Variants in MAML2 observed in about 807,000 individuals in gnomAD.
The protein encoded by MAML2 is mastermind like transcriptional coactivator 2, also known as mastermind-like protein 2.
A neutral mutation model predicts 96.1 loss-of-function variants in MAML2; 22 were observed. The ratio of observed to expected loss-of-function variants is 0.23; its 90% CI spans 0.16 to 0.33. The LOEUF is 0.33. MAML2 is among the 10% of genes least tolerant of loss of function. MAML2 has a pLI of 1.00. For synonymous variants in MAML2, 561 were observed against 521.3 expected (o/e 1.08, Z -1.04); for missense variants, 1,367 against 1,392.4 (o/e 0.98, Z 0.29).
intron 1 of MAML2, among the ~76,000 whole-genome samples, chr11:96,185,195 C>T (rs1261591185): frequency 6.7e-6 from 1 of 148,376 alleles, no homozygotes; most frequent in Non-Finnish European, 1.5e-5. Context: ...CAGGACAAAA[C>T]TCCATCTGTG....
intron 1 of MAML2, among the ~76,000 whole-genome samples, chr11:96,297,851 T>C (rs1402511823): frequency 6.6e-6 from 1 of 152,212 alleles, no homozygotes; most frequent in South Asian, 2.1e-4. Flanking sequence ...TAAAAATATT[T>C]TCTTTATATA....
chr11:96,260,232 G>C (rs1862728937), intron 1 of MAML2, among the ~76,000 whole-genome samples: 1 of 152,034 alleles, frequency 6.6e-6, no homozygotes, highest in Admixed American at 6.6e-5. Context: ...TAGAAGGATG[G>C]TGGTAGAGCA....
At chr11:96,024,804 C>A (rs1332039237) in intron 2 of MAML2, among the ~76,000 whole-genome samples, 1 of 152,158 alleles carries the variant, frequency 6.6e-6, no homozygotes, top group East Asian at 1.9e-4. Context: ...GACTGCCCTG[C>A]CACTCCTTCT....
chr11:96,325,007 T>A (rs1863755425), intron 1 of MAML2, among the ~76,000 whole-genome samples: 1 of 152,204 alleles, frequency 6.6e-6, no homozygotes, highest in South Asian at 2.1e-4. Context: ...TTATTGGATT[T>A]AAATAAGAAA....
chr11:96,075,728 G>A (rs1308377789), intron 2 of MAML2, among the ~76,000 whole-genome samples: 1 of 152,222 alleles, frequency 6.6e-6, no homozygotes, highest in Non-Finnish European at 1.5e-5. Flanking sequence ...AAACCTGACT[G>A]ATGAATAGGA....
At chr11:96,086,423 G>T (rs1339038304) in intron 2 of MAML2, among the ~76,000 whole-genome samples, 1 of 151,370 alleles carries the variant, frequency 6.6e-6, no homozygotes, top group East Asian at 1.9e-4. Context: ...CTCCAGAAAT[G>T]TTTGCTTTAA....
At chr11:96,240,524 G>A (rs927132541) in intron 1 of MAML2, among the ~76,000 whole-genome samples, 3 of 124,988 alleles carry the variant, frequency 2.4e-5, no homozygotes, top group Non-Finnish European at 4.8e-5. Flanking sequence ...GCAGTCCGCA[G>A]TCCGGCCTGG....
At position 96,343,184 on chromosome 11, in the gene MAML2, AAG is replaced by A. The variant is rs921266286; in HGVS notation, c.-1291_-1290del. The A allele has an allele frequency of 4.8e-5, 13 of 273,034 alleles. No individual in the cohort carries two copies. The South Asian group carries it at 1.4e-3, about 30-fold the overall frequency. The allele number at this position is 273,034 out of a possible 1,614,324, so 16.9% of individuals were successfully genotyped here. On this transcript the variant is annotated 5_prime_UTR_variant, in exon 1 of 5. Transcript: ENST00000524717. ...TGTGCTCCGATAGGAGAGGGAGAGA[AAG>A]AGAGAGAGTGAGACAGAGAAGGAGA...
intron 1 of MAML2, among the ~76,000 whole-genome samples, chr11:96,273,512 C>T (rs1862943226): frequency 6.6e-6 from 1 of 152,108 alleles, no homozygotes; most frequent in South Asian, 2.1e-4. Context: ...TAGCTTTCAT[C>T]CTTATCCTTG....
At chr11:96,299,731 C>A (rs1014093909) in intron 1 of MAML2, among the ~76,000 whole-genome samples, 1 of 152,182 alleles carries the variant, frequency 6.6e-6, no homozygotes, top group African/African-American at 2.4e-5. Context: ...CCAGCCCTTG[C>A]CCACAGAAGT....
intron 1 of MAML2, among the ~76,000 whole-genome samples, chr11:96,106,092 T>C (rs1002644947): frequency 6.6e-6 from 1 of 152,218 alleles, no homozygotes; most frequent in Non-Finnish European, 1.5e-5. Context: ...AGCCTTTATA[T>C]TGTTTGCAGT....
chr11:96,035,042 T>G (rs1858689857), intron 2 of MAML2, among the ~76,000 whole-genome samples: 1 of 152,208 alleles, frequency 6.6e-6, no homozygotes. Flanking sequence ...AAGGACAGAC[T>G]AATATAATTA....
intron 1 of MAML2, among the ~76,000 whole-genome samples, chr11:96,335,428 G>A (rs530607440): frequency 6.6e-6 from 1 of 152,296 alleles, no homozygotes; most frequent in African/African-American, 2.4e-5. Context: ...CCTAAGAAGC[G>A]AGGTATAGCT....
chr11:96,157,770 G>A (rs1007213183), intron 1 of MAML2, among the ~76,000 whole-genome samples: 8 of 152,186 alleles, frequency 5.3e-5, no homozygotes, highest in Non-Finnish European at 1.2e-4. Context: ...GTACATGTGG[G>A]TTCCAAAAGA....
chr11:96,147,504 G>A (rs1032857832), intron 1 of MAML2, among the ~76,000 whole-genome samples: 5 of 151,916 alleles, frequency 3.3e-5, no homozygotes, highest in Admixed American at 6.5e-5. Context: ...TTTTTAAATC[G>A]TAGATCTGAT....
chr11:96,327,984 T>C (rs1310171446), intron 1 of MAML2, among the ~76,000 whole-genome samples: 2 of 151,946 alleles, frequency 1.3e-5, no homozygotes, highest in Non-Finnish European at 2.9e-5. Flanking sequence ...TGGTCCCAGC[T>C]ACTCGGGAGG....
rs559550850 is a variant in MAML2 at position 96,325,638 on chromosome 11, TTC to T, written c.513+15743_513+15744del. 3.9e-5 allele frequency among the ~76,000 whole-genome samples: 6 copies of T among 152,286 alleles called. No individual in the cohort carries two copies. The South Asian group carries it at 1.2e-3, about 32-fold the overall frequency. On this transcript the variant is annotated intron_variant, in intron 1 of 4. Transcript: ENST00000524717. ...CTTGGGACACTGATCATTTTTTTTT[TTC>T]TGTTTCTATAAAGAGGAACAATATT...
chr11:96,309,177 G>A (rs1246368130), intron 1 of MAML2, among the ~76,000 whole-genome samples: 1 of 152,184 alleles, frequency 6.6e-6, no homozygotes, highest in Non-Finnish European at 1.5e-5. Flanking sequence ...CCACTGAAAT[G>A]AGTAATCCAT....
intron 1 of MAML2, among the ~76,000 whole-genome samples, chr11:96,160,364 A>G (rs1023154830): frequency 6.6e-5 from 10 of 152,158 alleles, no homozygotes; most frequent in African/African-American, 2.2e-4. Flanking sequence ...TTTGAACCCA[A>G]CTGTGATACT....
Sources: gnomAD v4.1 joint callset for allele counts (sites outside exome capture counted in the v4.1 genomes callset) on GRCh38, gnomAD v4.1.1 for gene constraint, MANE v1.5 for transcripts, NCBI Gene and HGNC (gene_info 2026-07-23, HGNC 2026-07-21) for gene names.